Variants in FCRLA observed in about 807,000 individuals in gnomAD.
FCRLA encodes Fc receptor like A.
In FCRLA, 26 loss-of-function variants were observed where a neutral mutation model predicts 28.4. That is an observed-to-expected ratio of 0.91 (90% CI 0.67 to 1.27). The LOEUF (loss-of-function observed/expected upper bound fraction) is 1.27, where lower values mean the gene tolerates loss of function less well. Among genes scored for constraint, FCRLA ranks in the 50% most tolerant of loss-of-function variants. The probability of loss-of-function intolerance (pLI) is 0.00; values close to 1 mark genes in which losing one functional copy is unlikely to be tolerated. For synonymous variants in FCRLA, 174 were observed against 168.5 expected (o/e 1.03, Z -0.25); for missense variants, 422 against 433.1 (o/e 0.97, Z 0.23).
Position 161,707,349 on chromosome 1 carries a change from T to C in FCRLA, c.79+6T>C. ...GGTGGCCCAGATGCTACTGGGTAAG[T>C]AAAATATTTGAATATTGGTGTGGGA... On this transcript the variant is annotated splice_donor_region_variant and intron_variant, in intron 1 of 4. Transcript: ENST00000236938. The C allele has an allele frequency of 6.3e-7, 1 of 1,576,894 alleles. No homozygotes were observed. Among genetic ancestry groups the C allele is most frequent in the Non-Finnish European group, 8.6e-7 (1 of 1,165,578 alleles).
At chr1:161,711,892 T>A (rs778938951) in intron 3 of FCRLA, 42 bp from the exon 4 acceptor site, 2 of 1,568,302 alleles carry the variant, frequency 1.3e-6, no homozygotes, top group Non-Finnish European at 1.7e-6. Context: ...TACCTGTATA[T>A]AAGATGGCTG....
At chr1:161,708,521 C>T (rs12134087) in intron 1 of FCRLA, among the ~76,000 whole-genome samples, 60,896 of 152,104 alleles carry the variant, frequency 0.4, 14,834 homozygotes, top group Non-Finnish European at 0.55. Context: ...AGCCCAAATT[C>T]TTTATCATGG....
chr1:161,707,336 G>T lies in FCRLA; in HGVS notation c.72G>T (p.Met24Ile). The change falls in exon 1 of 5, where the codon ATG (methionine) becomes ATT (isoleucine). Residue 24 changes from methionine to isoleucine, a missense_variant. This residue lies in a region of FCRLA where 231 missense variants were observed against 214.6 expected (regional missense o/e 1.08). Transcript: ENST00000236938. ...LSLGVLWVAQ[M>I]LLAASFETLQ... is the part of the protein sequence containing the mutation. ...TTGGTGTGCTCTGGGTGGCCCAGAT[G>T]CTACTGGGTAAGTAAAATATTTGAA... The T allele has an allele frequency of 6.3e-7, 1 of 1,589,826 alleles. No homozygotes were observed. The highest frequency in any genetic ancestry group is 8.5e-7 in the Non-Finnish European group (1 of 1,171,466).
At chr1:161,711,657 C>A in intron 3 of FCRLA, 183 bp downstream of exon 3, 2 of 794,208 alleles carry the variant, frequency 2.5e-6, no homozygotes, top group Non-Finnish European at 3.9e-6. Context: ...CATCCAGCCC[C>A]ACTCAGAGTC....
chr1:161,711,389 C>G lies in FCRLA; in HGVS notation c.414C>G (p.Ser138Arg), dbSNP rs750548512. The change falls in exon 3 of 5, where the codon AGC becomes AGG. Residue 138 changes from serine (S) to arginine (R), a missense_variant. This residue lies in a region of FCRLA where 231 missense variants were observed against 214.6 expected (regional missense o/e 1.08). Coordinates refer to ENST00000236938, the MANE Select transcript of FCRLA (RefSeq NM_032738.4). Reference sequence around the variant, plus strand: ...TCACCGTGGTACAAAAGGCAGACAGCGGGCACTACCACTGCAGTGGCATCT... The same window carrying G: ...TCACCGTGGTACAAAAGGCAGACAGGGGGCACTACCACTGCAGTGGCATCT... ...FSITVVQKAD[S>R]GHYHCSGIFQ... 1.9e-6 allele frequency: 3 copies of G among 1,614,208 alleles called. No homozygotes were observed. The highest frequency in any genetic ancestry group is 8.5e-7 in the Non-Finnish European group (1 of 1,180,042).
At chr1:161,712,569 A>G (rs1444979188) in intron 4 of FCRLA, among the ~76,000 whole-genome samples, 4 of 152,212 alleles carry the variant, frequency 2.6e-5, no homozygotes, top group Non-Finnish European at 4.4e-5. Context: ...TCTGGGAGCC[A>G]CTGTTAAGAG....
chr1:161,708,692 A>G (rs2101651701), intron 1 of FCRLA, among the ~76,000 whole-genome samples: 1 of 152,294 alleles, frequency 6.6e-6, no homozygotes, highest in Middle Eastern at 3.4e-3. Context: ...AGTTCTTTCC[A>G]TGGCACCCTA....
intron 3 of FCRLA, 48 bp downstream of exon 3, chr1:161,711,522 A>G (rs761114235): frequency 9.6e-6 from 15 of 1,565,434 alleles, no homozygotes; most frequent in Non-Finnish European, 1.2e-5. Flanking sequence ...GTAAGGAGAG[A>G]CAGGGAGCCC....
At chr1:161,712,341 G>A in intron 4 of FCRLA, 123 bp downstream of exon 4, 1 of 1,173,632 alleles carries the variant, frequency 8.5e-7, no homozygotes, top group Non-Finnish European at 1.2e-6. Context: ...ACACAGAGGG[G>A]GCAGGAACAA....
intron 1 of FCRLA, 50 bp from the exon 2 acceptor site, chr1:161,710,710 C>T (rs779587750): frequency 1.2e-6 from 2 of 1,611,498 alleles, no homozygotes; most frequent in Non-Finnish European, 1.7e-6. Context: ...TCCTCTTTCT[C>T]CAAGTTGCAT....
At chr1:161,709,296 T>G (rs559809999) in intron 1 of FCRLA, among the ~76,000 whole-genome samples, 2 of 152,182 alleles carry the variant, frequency 1.3e-5, no homozygotes, top group South Asian at 4.1e-4. Context: ...CCTGGCCAAT[T>G]TTTTAAAAAA....
intron 1 of FCRLA, among the ~76,000 whole-genome samples, chr1:161,708,770 A>C (rs1682955470): frequency 2.0e-5 from 3 of 152,220 alleles, no homozygotes; most frequent in African/African-American, 7.2e-5. Context: ...TTTTCCAGGT[A>C]GCTTTTCTTG....
At position 161,711,952 on chromosome 1, in the gene FCRLA, T is replaced by C. The variant is rs1683122623; in HGVS notation, c.518T>C (p.Ile173Thr). The C allele has an allele frequency of 1.2e-6, 2 of 1,610,216 alleles. No homozygotes were observed. The highest frequency in any genetic ancestry group is 3.3e-4 in the Middle Eastern group (2 of 6,016). The change falls in exon 4 of 5, where the codon ATT becomes ACT. Residue 173 changes from isoleucine to threonine, a missense_variant. Around this residue, in one of 3 missense-constraint regions of FCRLA, gnomAD observed 231 missense variants for 214.6 expected, o/e 1.08. Transcript: ENST00000236938. ...ITVQELFPAP[I>T]LRAVPSAEPQ... Reference sequence around the variant, plus strand: ...TTCCCAGAACTGTTTCCAGCGCCAATTCTCAGAGCTGTACCCTCAGCTGAA... The same window carrying C: ...TTCCCAGAACTGTTTCCAGCGCCAACTCTCAGAGCTGTACCCTCAGCTGAA...
At chr1:161,710,278 T>G (rs1219882023) in intron 1 of FCRLA, 8 of 602,844 alleles carry the variant, frequency 1.3e-5, no homozygotes, top group Non-Finnish European at 2.4e-5. Flanking sequence ...TTTCTAAGTG[T>G]GTTTCTTTAA....
chr1:161,712,258 C>G (rs747863773), intron 4 of FCRLA, 40 bp downstream of exon 4: 51 of 1,580,268 alleles, frequency 3.2e-5, no homozygotes, highest in Non-Finnish European at 3.9e-5. Context: ...GTTTGGCATG[C>G]GTGTGAGTGA....
chr1:161,708,601 C>T (rs368180243), intron 1 of FCRLA, among the ~76,000 whole-genome samples: 2 of 152,366 alleles, frequency 1.3e-5, no homozygotes. Flanking sequence ...AAATCTCAAT[C>T]AGTTCATATT....
At chr1:161,709,113 A>G (rs1682969685) in intron 1 of FCRLA, among the ~76,000 whole-genome samples, 1 of 151,584 alleles carries the variant, frequency 6.6e-6, no homozygotes, top group South Asian at 2.1e-4. Flanking sequence ...CCAGTAACCC[A>G]ACAAGATTTT....
chr1:161,712,004 G>A lies in FCRLA; in HGVS notation c.570G>A (p.Leu190=), dbSNP rs1415804705. The A allele has an allele frequency of 1.9e-6, 3 of 1,614,014 alleles. No homozygotes were observed. In the Admixed American group the frequency reaches 5.0e-5, roughly 27 times the overall value. ...CCCAAGCAGGAAGCCCCATGACCCTGAGTTGTCAGACAAAGTTGCCCCTGC... is the reference window on the plus strand; with the variant it reads ...CCCAAGCAGGAAGCCCCATGACCCTAAGTTGTCAGACAAAGTTGCCCCTGC... The part of the protein sequence containing the change: ...AEPQAGSPMT[L]SCQTKLPLQR... Residue 190 remains leucine (L), a synonymous_variant, in exon 4 of 5, where the codon CTG becomes CTA. Coordinates refer to ENST00000236938, the MANE Select transcript of FCRLA (RefSeq NM_032738.4).
In FCRLA at chr1:161,710,981, A is replaced by G. The variant is rs1683071127; in HGVS notation, c.232+69A>G. The stretch of plus-strand genomic sequence containing the variant: ...TTCAGCCTCAGAGCCCACCCAGGAA[A>G]GTGTCCCTAGGAAATTGGCTATGGG... On this transcript the variant is annotated intron_variant, in intron 2 of 4. Transcript: ENST00000236938. 3.1e-6 allele frequency: 5 copies of G among 1,591,076 alleles called. No individual in the cohort carries two copies. In the Admixed American group the frequency reaches 8.5e-5, roughly 27 times the overall value.
Sources: gnomAD v4.1 joint callset for allele counts (sites outside exome capture counted in the v4.1 genomes callset) on GRCh38, gnomAD v4.1.1 for gene constraint, gnomAD v4.1.1 regional missense constraint, MANE v1.5 for transcripts, NCBI Gene and HGNC (gene_info 2026-07-23, HGNC 2026-07-21) for gene names.